Variants in HDGF observed in about 807,000 individuals in gnomAD.
HDGF encodes the protein hepatoma-derived growth factor.
HDGF carries 5 observed loss-of-function variants against 30.0 expected under a neutral mutation model. That is an observed-to-expected ratio of 0.17 (90% confidence interval 0.09 to 0.35). The LOEUF is 0.35. Ranked by LOEUF, HDGF falls within the 10% of genes least tolerant of loss-of-function variation. The pLI, the probability that HDGF is intolerant of heterozygous loss-of-function variation, is 1.00. For synonymous variants in HDGF, 133 were observed against 112.7 expected (o/e 1.18, Z -1.14); for missense variants, 214 against 302.8 (o/e 0.71, Z 2.18).
In HDGF at chr1:156,743,636, CA is replaced by C. The variant is rs1558030674; in HGVS notation, c.716+15del. On this transcript the variant is annotated intron_variant, in intron 5 of 5. Coordinates refer to ENST00000357325, the MANE Select transcript of HDGF (RefSeq NM_004494.3). ...CCCCCTAGTCCAGCTGCCAAGGGGT[CA>C]GGGGGCTCACTCACCTCTCATGATC... 9.4e-6 allele frequency: 15 copies of C among 1,595,790 alleles called. No individual in the cohort carries two copies. Among genetic ancestry groups the C allele is most frequent in the Admixed American group, 1.7e-5 (1 of 59,974 alleles).
At chr1:156,762,778 A>G (rs1290494201) in intron 1 of HDGF, among the ~76,000 whole-genome samples, 1 of 152,038 alleles carries the variant, frequency 6.6e-6, no homozygotes, top group Non-Finnish European at 1.5e-5. Context: ...AGGCTGAGGC[A>G]GGAGAATTGC....
chr1:156,744,933 C>G (rs1274650871), intron 3 of HDGF, 75 bp downstream of exon 3: 1 of 1,554,826 alleles, frequency 6.4e-7, no homozygotes, highest in Admixed American at 1.7e-5. Flanking sequence ...TAAGCATCAT[C>G]TGTGGGCCGG....
exon 1 of HDGF, chr1:156,766,863 C>G (rs1651395985): frequency 6.6e-6 from 1 of 152,300 alleles, no homozygotes; most frequent in Admixed American, 6.5e-5. Context: ...GCCCCAGGCT[C>G]CAGGGTAAGG....
chr1:156,749,011 G>A (rs1650788086), intron 1 of HDGF, among the ~76,000 whole-genome samples: 1 of 152,230 alleles, frequency 6.6e-6, no homozygotes, highest in South Asian at 2.1e-4. Context: ...CTGAAGTCTT[G>A]GAGGTTAATT....
chr1:156,755,497 A>G (rs1463333417), upstream of HDGF: 1 of 152,094 alleles, frequency 6.6e-6, no homozygotes, highest in African/African-American at 2.4e-5. Flanking sequence ...TCTAAACAAA[A>G]TTTTCTTGCA....
Position 156,761,950 on chromosome 1 carries a change from A to T in HDGF, n.137-2731T>A, listed in dbSNP as rs1309981470. The stretch of plus-strand genomic sequence containing the variant: ...AACAGTCTCCATCTCAAAAAAAAAA[A>T]AATTAATTAATTAAAAAAAAAACAC... On this transcript the variant is annotated intron_variant and non_coding_transcript_variant, in intron 1 of 7. Transcript: ENST00000465180. Among the ~76,000 whole-genome samples the T allele has an allele frequency of 5.4e-4, 75 of 139,472 alleles. 1 individual carries two copies. Among genetic ancestry groups the T allele is most frequent in the South Asian group, 4.2e-3 (18 of 4,326 alleles). The allele number at this position is 139,472 out of a possible 152,430, so 91.5% of individuals were successfully genotyped here.
chr1:156,758,598 A>AAAAAAAT (rs577631183), intron 2 of HDGF, among the ~76,000 whole-genome samples: 11,453 of 26,250 alleles, frequency 0.44, 1,660 homozygotes, highest in Admixed American at 0.53. Flanking sequence ...GTCTCAAAAA[A>AAAAAAAT]AAAAATAAAT....
At chr1:156,753,974 G>T (rs565914264), upstream of HDGF, among the ~76,000 whole-genome samples, 6 of 147,382 alleles carry the variant, frequency 4.1e-5, no homozygotes, top group East Asian at 1.2e-3. Context: ...ACAGTGCAAT[G>T]GTGCAATCTC....
In HDGF at chr1:156,744,355, CAG is replaced by C. The variant is rs1650360401; in HGVS notation, c.304-9_304-8del. The C allele has an allele frequency of 6.2e-7, 1 of 1,613,720 alleles. No homozygotes were observed. Among genetic ancestry groups the C allele is most frequent in the Admixed American group, 1.7e-5 (1 of 60,026 alleles). On this transcript the variant is annotated splice_polypyrimidine_tract_variant and splice_region_variant and intron_variant, in intron 3 of 5. Coordinates refer to ENST00000357325, the MANE Select transcript of HDGF (RefSeq NM_004494.3). ...AGCTCTTTTTCTGGGAGGACTGCAG[CAG>C]AGACAGCACAGGCTGAGTGGCACCA...
At chr1:156,758,334 G>A (rs1301410844) in intron 2 of HDGF, among the ~76,000 whole-genome samples, 4 of 151,024 alleles carry the variant, frequency 2.6e-5, no homozygotes, top group Admixed American at 6.6e-5. Context: ...GCTCACGCCT[G>A]TAATTCCAGC....
chr1:156,757,354 T>A (rs1651170400), upstream of HDGF, among the ~76,000 whole-genome samples: 1 of 151,760 alleles, frequency 6.6e-6, no homozygotes, highest in Non-Finnish European at 1.5e-5. Context: ...TAATCCTAGC[T>A]ACTCGGGAGG....
chr1:156,751,905 G>A (rs375600041), upstream of HDGF: 15 of 1,017,326 alleles, frequency 1.5e-5, no homozygotes, highest in African/African-American at 8.5e-5. This position sits in a 1 kb window ranked among gnomAD's most constrained non-coding sequence, Gnocchi z 4.7. Flanking sequence ...ACAGGCATAA[G>A]GAGCCGATCG....
At chr1:156,750,080 C>T (rs1036236018) in intron 1 of HDGF, among the ~76,000 whole-genome samples, 1 of 152,148 alleles carries the variant, frequency 6.6e-6, no homozygotes, top group African/African-American at 2.4e-5. Flanking sequence ...TAGGCACACT[C>T]CTGAGGAGTG....
upstream of HDGF, chr1:156,752,237 G>A (rs946877790): frequency 6.4e-7 from 1 of 1,551,828 alleles, no homozygotes; most frequent in Non-Finnish European, 8.7e-7. Context: ...ACCGTATGGG[G>A]GGTGGCCCTG....
chr1:156,759,479 CT>C (rs540212944), intron 1 of HDGF, among the ~76,000 whole-genome samples: 496 of 124,580 alleles, frequency 4.0e-3, no homozygotes, highest in South Asian at 0.029. Flanking sequence ...ATACCCCATT[CT>C]TTTTTTTTTT....
chr1:156,754,135 C>G (rs949401778), upstream of HDGF, among the ~76,000 whole-genome samples: 1 of 152,102 alleles, frequency 6.6e-6, no homozygotes, highest in African/African-American at 2.4e-5. Context: ...AGGCTGGTCT[C>G]GAACTCCTGA....
At chr1:156,762,884 A>C (rs139670338) in intron 1 of HDGF, among the ~76,000 whole-genome samples, 7 of 149,976 alleles carry the variant, frequency 4.7e-5, no homozygotes, top group African/African-American at 9.8e-5. Flanking sequence ...AAAAAAAAAA[A>C]CCAAAAAAAA....
intron 1 of HDGF, chr1:156,750,840 G>GC (rs1205829490): frequency 5.3e-5 from 8 of 152,330 alleles, no homozygotes; most frequent in African/African-American, 1.9e-4. Context: ...CCTCCATCTA[G>GC]CCCTCTCCGG....
intron 2 of HDGF, chr1:156,758,955 A>C (rs986042877): frequency 6.6e-6 from 1 of 152,568 alleles, no homozygotes; most frequent in Non-Finnish European, 1.5e-5. Flanking sequence ...AGAGGACAGC[A>C]GCGGTCCTGG....
Sources: allele counts gnomAD v4.1 joint callset (sites outside exome capture counted in the v4.1 genomes callset), GRCh38; gene constraint gnomAD v4.1.1; non-coding constraint Gnocchi (gnomAD v3.1); transcripts MANE v1.5; gene names NCBI Gene and HGNC (gene_info 2026-07-23, HGNC 2026-07-21).